RALGAPA2: variants seen among roughly 807,000 people sequenced by gnomAD.
The protein encoded by RALGAPA2 is Ral GTPase activating protein catalytic subunit alpha 2.
A neutral mutation model predicts 230.4 loss-of-function variants in RALGAPA2; 139 were observed. The ratio of observed to expected loss-of-function variants is 0.60; its 90% confidence interval spans 0.53 to 0.69. RALGAPA2 has a LOEUF of 0.69. Among genes scored for constraint, RALGAPA2 ranks in the 30% least tolerant of loss-of-function variants. RALGAPA2 has a pLI of 0.00. For synonymous variants in RALGAPA2, 847 were observed against 837.8 expected (o/e 1.01, Z -0.19); for missense variants, 2,163 against 2,276.0 (o/e 0.95, Z 1.01).
intron 35 of RALGAPA2, among the ~76,000 whole-genome samples, chr20:20,499,182 T>A (rs952276090): frequency 1.3e-5 from 2 of 152,178 alleles, no homozygotes; most frequent in Non-Finnish European, 1.5e-5. Flanking sequence ...AAAGAGAGTT[T>A]ATCACTAATG....
intron 3 of RALGAPA2, among the ~76,000 whole-genome samples, chr20:20,663,704 G>A (rs774213594): frequency 6.6e-6 from 1 of 152,144 alleles, no homozygotes; most frequent in Non-Finnish European, 1.5e-5. Context: ...TGATTCTCAA[G>A]CCTCAGCCTC....
At chr20:20,641,123 A>G (rs1024483890) in intron 5 of RALGAPA2, among the ~76,000 whole-genome samples, 1 of 152,212 alleles carries the variant, frequency 6.6e-6, no homozygotes, top group East Asian at 1.9e-4. Flanking sequence ...GCTGGGACCC[A>G]TGGAGAACCA....
Position 20,512,589 on chromosome 20 carries a change from G to A in RALGAPA2, c.4780C>T (p.Pro1594Ser). The A allele has an allele frequency of 6.2e-7, 1 of 1,613,870 alleles. No individual in the cohort carries two copies. Among genetic ancestry groups the A allele is most frequent in the South Asian group, 1.1e-5 (1 of 91,072 alleles). The change falls in exon 32 of 40, where the codon CCA (proline) becomes TCA (serine). Residue 1594 changes from proline to serine, a missense_variant. Pro to Ser is a moderately conservative substitution (Grantham distance 74). Coordinates refer to ENST00000202677, the MANE Select transcript of RALGAPA2 (RefSeq NM_020343.4). The part of the protein sequence containing the change: ...MKVTSQGQPS[P>S]VEPRGPFYFC... ...TAAAAGGGTCCTCGGGGCTCCACTG[G>A]GGAGGGCTGCCCTTGGCTGGTGACT...
At chr20:20,633,253 G>A (rs1029188212) in intron 9 of RALGAPA2, among the ~76,000 whole-genome samples, 1 of 152,010 alleles carries the variant, frequency 6.6e-6, no homozygotes, top group Non-Finnish European at 1.5e-5. Flanking sequence ...TCCTGCCTCA[G>A]CTTCCCGAGT....
chr20:20,694,135 C>A (rs1258763880), intron 1 of RALGAPA2, among the ~76,000 whole-genome samples: 2 of 150,724 alleles, frequency 1.3e-5, no homozygotes, highest in African/African-American at 4.9e-5. Context: ...AAAAAGATAC[C>A]GTAACTTTAA....
intron 3 of RALGAPA2, among the ~76,000 whole-genome samples, chr20:20,658,607 T>C (rs1003741444): frequency 2.0e-5 from 3 of 152,256 alleles, no homozygotes; most frequent in African/African-American, 7.2e-5. Flanking sequence ...CAGCTGCATC[T>C]ATATGGTAAT....
intron 30 of RALGAPA2, among the ~76,000 whole-genome samples, chr20:20,523,399 A>AT (rs950557778): frequency 2.0e-5 from 3 of 152,184 alleles, no homozygotes; most frequent in Non-Finnish European, 2.9e-5. Context: ...ATTTCTTAAG[A>AT]TTTTTTTGAG....
chr20:20,528,632 C>T (rs887963283), intron 27 of RALGAPA2, among the ~76,000 whole-genome samples: 1 of 152,152 alleles, frequency 6.6e-6, no homozygotes, highest in Non-Finnish European at 1.5e-5. Context: ...GAACCACCTC[C>T]CCCAACCACC....
At chr20:20,498,173 C>T (rs2062267471) in intron 35 of RALGAPA2, among the ~76,000 whole-genome samples, 1 of 152,104 alleles carries the variant, frequency 6.6e-6, no homozygotes, top group Non-Finnish European at 1.5e-5. Context: ...ATTAGAAACC[C>T]ATCAGTGAGT....
chr20:20,648,606 G>A (rs2067294467), intron 4 of RALGAPA2, among the ~76,000 whole-genome samples: 1 of 152,008 alleles, frequency 6.6e-6, no homozygotes. Context: ...CAGGAGAATG[G>A]AGGATGTGGT....
At chr20:20,452,635 T>G (rs922278555) in intron 37 of RALGAPA2, among the ~76,000 whole-genome samples, 1 of 152,228 alleles carries the variant, frequency 6.6e-6, no homozygotes, top group African/African-American at 2.4e-5. Flanking sequence ...TGGATGCTAA[T>G]GAGCCTGGCG....
At chr20:20,617,850 T>TAGATATA (rs2066196261) in intron 12 of RALGAPA2, among the ~76,000 whole-genome samples, 1 of 152,154 alleles carries the variant, frequency 6.6e-6, no homozygotes, top group South Asian at 2.1e-4. Context: ...ACTAAGGTAT[T>TAGATATA]AGATATAAGA....
chr20:20,410,179 T>C (rs2070347690), intron 38 of RALGAPA2, among the ~76,000 whole-genome samples: 2 of 152,210 alleles, frequency 1.3e-5, no homozygotes, highest in Admixed American at 6.5e-5. Context: ...CCTCTCCAAG[T>C]AGAGTTCTTA....
intron 1 of RALGAPA2, among the ~76,000 whole-genome samples, chr20:20,682,818 A>G (rs2068567616): frequency 6.6e-6 from 1 of 152,178 alleles, no homozygotes; most frequent in East Asian, 1.9e-4. Flanking sequence ...TACAACTTAT[A>G]AACCTACAGG....
intron 23 of RALGAPA2, among the ~76,000 whole-genome samples, chr20:20,553,175 G>A (rs1368363849): frequency 6.6e-6 from 1 of 152,208 alleles, no homozygotes; most frequent in African/African-American, 2.4e-5. Context: ...TACACAATGT[G>A]ACTTCTTAGA....
intron 23 of RALGAPA2, among the ~76,000 whole-genome samples, chr20:20,555,499 G>A (rs6082042): frequency 0.04 from 6,052 of 152,230 alleles, 155 homozygotes; most frequent in South Asian, 0.06. Flanking sequence ...GAATCTACAT[G>A]TCAGTTTGGG....
At chr20:20,561,131 T>C (rs772845930) in intron 23 of RALGAPA2, among the ~76,000 whole-genome samples, 1 of 152,232 alleles carries the variant, frequency 6.6e-6, no homozygotes, top group Non-Finnish European at 1.5e-5. Flanking sequence ...CTTTAGAGCT[T>C]GAAAGGCTTA....
chr20:20,603,632 A>G (rs2146223441), intron 15 of RALGAPA2, among the ~76,000 whole-genome samples: 2 of 152,222 alleles, frequency 1.3e-5, no homozygotes, highest in East Asian at 3.9e-4. Context: ...GTCACACCTC[A>G]TTGCCCCTGC....
At chr20:20,672,892 T>TA (rs1343182710) in intron 3 of RALGAPA2, among the ~76,000 whole-genome samples, 146 of 152,194 alleles carry the variant, frequency 9.6e-4, no homozygotes, top group South Asian at 2.1e-4. Flanking sequence ...CAAAAGATCT[T>TA]AAAAGAAGCA....
Sources: gnomAD v4.1 joint callset for allele counts (sites outside exome capture counted in the v4.1 genomes callset) on GRCh38, gnomAD v4.1.1 for gene constraint, MANE v1.5 for transcripts, NCBI Gene and HGNC (gene_info 2026-07-23, HGNC 2026-07-21) for gene names.